Variants in TNIP1 observed in about 807,000 individuals in gnomAD.
TNIP1 encodes TNFAIP3-interacting protein 1.
TNIP1 carries 22 observed loss-of-function variants against 86.6 expected under a neutral mutation model. The observed-to-expected ratio is 0.25, with a 90% confidence interval of 0.18 to 0.36. The LOEUF (loss-of-function observed/expected upper bound fraction) is 0.36, where lower values mean the gene tolerates loss of function less well. Among genes scored for constraint, TNIP1 ranks in the 10% least tolerant of loss-of-function variants. The pLI, the probability that TNIP1 is intolerant of heterozygous loss-of-function variation, is 1.00. For missense variants in TNIP1, 709 were observed against 820.6 expected, an observed-to-expected ratio of 0.86 and a Z score of 1.66; for synonymous variants, 294 against 313.0, an observed-to-expected ratio of 0.94 and a Z score of 0.64.
chr5:151,059,453 G>A (rs140970474), intron 5 of TNIP1, among the ~76,000 whole-genome samples: 1 of 152,292 alleles, frequency 6.6e-6, no homozygotes, highest in Non-Finnish European at 1.5e-5. Context: ...CAGGTACATG[G>A]GGCAACCAGT....
At chr5:151,038,653 G>A (rs572288988) in intron 12 of TNIP1, among the ~76,000 whole-genome samples, 10 of 152,268 alleles carry the variant, frequency 6.6e-5, no homozygotes, top group Middle Eastern at 3.4e-3. Context: ...TGTACAAGGC[G>A]CCCAGGGTAT....
Position 151,030,731 on chromosome 5 carries a change from G to A in TNIP1, c.1893C>T (p.Asp631=), listed in dbSNP as rs781416138. The A allele has an allele frequency of 4.6e-5, 74 of 1,611,446 alleles. 1 individual carries two copies. In the South Asian group the frequency reaches 6.4e-4, roughly 14 times the overall value. The change falls in exon 18 of 18, where the codon GAC becomes GAT. Residue 631 remains aspartate (D), a synonymous_variant. Coordinates refer to ENST00000521591, the MANE Select transcript of TNIP1 (RefSeq NM_006058.5). The part of the protein sequence containing the change: ...RPTEPESPKN[D]REGPQ ...TCTGGTCTCACTGAGGCCCCTCACG[G>A]TCATTTTTTGGAGACTCTAAATAAA...
At position 151,056,944 on chromosome 5, in the gene TNIP1, A is replaced by C; in HGVS notation, c.449T>G (p.Leu150Arg). The C allele has an allele frequency of 6.5e-7, 1 of 1,529,742 alleles. No individual in the cohort carries two copies. The highest frequency in any genetic ancestry group is 1.2e-5 in the South Asian group (1 of 83,054). 94.8% of individuals were successfully genotyped at this position (1,529,742 alleles called of 1,614,324 possible). ...SHANAMALGP[L>R]PREDGNLMLH... ...CATCAGGTTGCCGTCCTCACGGGGC[A>C]GGGGGCCCAGCGCCTGGAGAGGGAA... Residue 150 changes from leucine (L) to arginine (R), a missense_variant, in exon 6 of 18, where the codon CTG becomes CGG. Leu to Arg is a moderately radical substitution (Grantham distance 102). Transcript: ENST00000521591.
intron 1 of TNIP1, among the ~76,000 whole-genome samples, chr5:151,074,336 C>G (rs951141013): frequency 6.6e-6 from 1 of 152,138 alleles, no homozygotes; most frequent in African/African-American, 2.4e-5. Flanking sequence ...TGGCCTGAAA[C>G]CAGAGTTTAT....
chr5:151,050,667 T>G (rs1759794888), intron 7 of TNIP1, among the ~76,000 whole-genome samples: 1 of 152,134 alleles, frequency 6.6e-6, no homozygotes, highest in African/African-American at 2.4e-5. Flanking sequence ...AGGGTCTCGT[T>G]CTGTCACCCA....
At position 151,036,990 on chromosome 5, in the gene TNIP1, C is replaced by T. The variant is rs890458898; in HGVS notation, c.1264-69G>A. On this transcript the variant is annotated intron_variant, in intron 12 of 17. Coordinates refer to ENST00000521591, the MANE Select transcript of TNIP1 (RefSeq NM_006058.5). ...AATCAGGGCCCTTTGGAGGGGTCATCCTCAGGGAACTCCTTCCTAATAATA... is the reference window on the plus strand; with the variant it reads ...AATCAGGGCCCTTTGGAGGGGTCATTCTCAGGGAACTCCTTCCTAATAATA... The T allele has an allele frequency of 2.0e-6, 3 of 1,507,460 alleles. No homozygotes were observed. In the African/African-American group the frequency reaches 4.2e-5, roughly 21 times the overall value. The allele number at this position is 1,507,460 out of a possible 1,614,324, so 93.4% of individuals were successfully genotyped here.
chr5:151,061,509 A>C, intron 4 of TNIP1, among the ~76,000 whole-genome samples: 1 of 149,338 alleles, frequency 6.7e-6, no homozygotes, highest in African/African-American at 2.5e-5. Context: ...AGAGGGTCTG[A>C]CTCTGTCACC....
chr5:151,073,214 TCC>T, intron 1 of TNIP1, among the ~76,000 whole-genome samples: 1 of 126,574 alleles, frequency 7.9e-6, no homozygotes, highest in East Asian at 2.3e-4. Flanking sequence ...AGAGTGGGAC[TCC>T]ATCTCAAAAG....
chr5:151,059,828 A>AGAGAGTGTGTGT (rs1554076446), intron 5 of TNIP1, among the ~76,000 whole-genome samples: 18 of 56,394 alleles, frequency 3.2e-4, no homozygotes, highest in Admixed American at 1.0e-3. Context: ...AGAGAGAGAG[A>AGAGAGTGTGTGT]GTGTGTGTGT....
Position 151,030,453 on chromosome 5 carries a change from G to A in TNIP1, c.*260C>T. ...CGGATGGTGGGTCAAAGCCGGATGA[G>A]GCCTCTCTCCACTCAGCAGCAGGGA... On this transcript the variant is annotated 3_prime_UTR_variant, in exon 18 of 18. Coordinates refer to ENST00000521591, the MANE Select transcript of TNIP1 (RefSeq NM_006058.5). 1 of 571,140 alleles carries A rather than the reference G, an allele frequency of 1.8e-6. No individual in the cohort carries two copies. Among genetic ancestry groups the A allele is most frequent in the East Asian group, 3.0e-5 (1 of 33,078 alleles). The allele number at this position is 571,140 out of a possible 1,614,324, so 35.4% of individuals were successfully genotyped here. A position where few individuals can be genotyped will look rare whatever the true frequency, so the allele number is the denominator to read the frequency against.
chr5:151,030,276 G>A lies in TNIP1; in HGVS notation c.*437C>T. ...AGGGGTAGGGGTGTGCGTGGGGCAG[G>A]TCCTGCTACAGAGCTTGAAGCAAAA... On this transcript the variant is annotated 3_prime_UTR_variant, in exon 18 of 18. Transcript: ENST00000521591. 2 of 391,116 alleles carry A rather than the reference G, an allele frequency of 5.1e-6. No homozygotes were observed. The highest frequency in any genetic ancestry group is 1.0e-5 in the Non-Finnish European group (2 of 193,744). 24.2% of individuals were successfully genotyped at this position (391,116 alleles called of 1,614,324 possible). A position where few individuals can be genotyped will look rare whatever the true frequency, so the allele number is the denominator to read the frequency against.
rs1450833737 is a variant in TNIP1 at position 151,049,985 on chromosome 5, C to T, written c.723-38G>A. ...TAAACAGAGAAATCACAATGCTGAC[C>T]CTGAGTTAAGAAACCTACAGGGCTC... On this transcript the variant is annotated intron_variant, in intron 7 of 17. Coordinates refer to ENST00000521591, the MANE Select transcript of TNIP1 (RefSeq NM_006058.5). 1.3e-5 allele frequency: 21 copies of T among 1,612,646 alleles called. No homozygotes were observed. The East Asian group carries it at 4.5e-4, about 34-fold the overall frequency.
chr5:151,063,980 G>T (rs1252286024), intron 2 of TNIP1, among the ~76,000 whole-genome samples: 1 of 152,160 alleles, frequency 6.6e-6, no homozygotes, highest in African/African-American at 2.4e-5. Flanking sequence ...AGGAGCGGAA[G>T]GAATCTATGA....
intron 11 of TNIP1, among the ~76,000 whole-genome samples, chr5:151,039,569 T>C (rs1758152902): frequency 6.6e-6 from 1 of 152,186 alleles, no homozygotes; most frequent in Non-Finnish European, 1.5e-5. Flanking sequence ...ACGGGGTTCC[T>C]AACGTGAGTC....
chr5:151,045,592 T>C (rs1427488582), intron 9 of TNIP1, among the ~76,000 whole-genome samples: 1 of 152,234 alleles, frequency 6.6e-6, no homozygotes, highest in Non-Finnish European at 1.5e-5. Context: ...CATAGGAGCC[T>C]GCCTAAACTG....
intron 4 of TNIP1, among the ~76,000 whole-genome samples, chr5:151,061,199 G>A (rs570979404): frequency 2.7e-4 from 41 of 152,114 alleles, no homozygotes; most frequent in Admixed American, 1.4e-3. Flanking sequence ...TCCATGTCCC[G>A]TTAAACCTGG....
Position 151,086,608 on chromosome 5 carries a change from G to A in TNIP1, c.-37+477C>T, listed in dbSNP as rs573968167. The stretch of plus-strand genomic sequence containing the variant: ...ACAGATACACACACAAATACACACA[G>A]TCACCAACTTACACCCACACAGAAA... On this transcript the variant is annotated intron_variant, in intron 1 of 17. Coordinates refer to the TNIP1 transcript ENST00000315050. 3.3e-5 allele frequency among the ~76,000 whole-genome samples: 5 copies of A among 152,134 alleles called. No individual in the cohort carries two copies. The South Asian group carries it at 1.0e-3, about 32-fold the overall frequency.
intron 15 of TNIP1, among the ~76,000 whole-genome samples, chr5:151,034,084 G>A (rs1223989274): frequency 6.6e-6 from 1 of 151,850 alleles, no homozygotes; most frequent in African/African-American, 2.4e-5. Context: ...GGCACGGAAG[G>A]CTGGTACATG....
chr5:151,062,013 G>A (rs371421961), intron 4 of TNIP1, 114 bp downstream of exon 4: 14 of 951,194 alleles, frequency 1.5e-5, no homozygotes, highest in East Asian at 5.4e-5. Context: ...ATCACCCAGC[G>A]AGACGGAACA....
Sources: allele counts gnomAD v4.1 joint callset (sites outside exome capture counted in the v4.1 genomes callset), GRCh38; gene constraint gnomAD v4.1.1; transcripts MANE v1.5; gene names NCBI Gene and HGNC (gene_info 2026-07-23, HGNC 2026-07-21).